MAF: variants seen among roughly 807,000 people sequenced by gnomAD.
The protein encoded by MAF is transcription factor Maf.
In MAF, 10 loss-of-function variants were observed where a neutral mutation model predicts 22.0. The observed-to-expected ratio is 0.45, with a 90% CI of 0.28 to 0.77. The LOEUF (loss-of-function observed/expected upper bound fraction) is 0.77, where lower values mean the gene tolerates loss of function less well. MAF is among the 30% of genes least tolerant of loss of function. The pLI is 0.12. For synonymous variants in MAF, 337 were observed against 255.8 expected (o/e 1.32, Z -3.03); for missense variants, 544 against 548.4 (o/e 0.99, Z 0.08).
At chr16:79,225,116 T>G in the MAF span, among the ~76,000 whole-genome samples, 2 of 152,190 alleles carry the variant, frequency 1.3e-5, no homozygotes, top group African/African-American at 4.8e-5. Context: ...CAAAGGATAC[T>G]ACAAGGCTAC....
chr16:79,494,665 G>T, the MAF span, among the ~76,000 whole-genome samples: 1 of 152,146 alleles, frequency 6.6e-6, no homozygotes, highest in Non-Finnish European at 1.5e-5. Flanking sequence ...CACCAAATGT[G>T]TAGGAGTTTT....
At chr16:79,474,613 A>T in the MAF span, among the ~76,000 whole-genome samples, 8 of 152,166 alleles carry the variant, frequency 5.3e-5, 1 homozygote, top group Non-Finnish European at 1.0e-4. Context: ...AATGGGTTCA[A>T]ATCACAGCGT....
the MAF span, among the ~76,000 whole-genome samples, chr16:79,211,416 C>T: frequency 2.6e-5 from 4 of 152,138 alleles, no homozygotes; most frequent in African/African-American, 7.2e-5. Flanking sequence ...TTTATGAACT[C>T]GTTTTTCCAG....
At chr16:79,232,436 C>T in the MAF span, among the ~76,000 whole-genome samples, 10,699 of 151,972 alleles carry the variant, frequency 0.07, 577 homozygotes, top group Middle Eastern at 0.15. Flanking sequence ...TTTGGAGGTA[C>T]GGTAGTTGAC....
the MAF span, among the ~76,000 whole-genome samples, chr16:79,340,685 A>G: frequency 1.3e-5 from 2 of 151,912 alleles, no homozygotes; most frequent in African/African-American, 4.8e-5. Flanking sequence ...GACATCGAGT[A>G]TCTTGCTCAT....
At chr16:79,320,293 G>T in the MAF span, among the ~76,000 whole-genome samples, 1 of 152,182 alleles carries the variant, frequency 6.6e-6, no homozygotes, top group African/African-American at 2.4e-5. Context: ...GAATAAAGGA[G>T]AAAGCTGCTC....
At chr16:79,597,634 G>T in intron 1 of MAF, 1 of 1,021,948 alleles carries the variant, frequency 9.8e-7, no homozygotes, top group Non-Finnish European at 1.2e-6. Context: ...AAATTTCATG[G>T]GAAGAAGGCT....
At chr16:79,564,957 G>A in the MAF span, among the ~76,000 whole-genome samples, 2 of 152,160 alleles carry the variant, frequency 1.3e-5, no homozygotes, top group African/African-American at 2.4e-5. Flanking sequence ...AAAAAATGTG[G>A]TACCTCGAAC....
the MAF span, among the ~76,000 whole-genome samples, chr16:79,512,451 A>G: frequency 5.3e-5 from 8 of 152,152 alleles, no homozygotes; most frequent in Middle Eastern, 3.4e-3. Flanking sequence ...TCCACATTCC[A>G]TGGAGCAGAT....
chr16:79,373,359 CTTTTTTTTTTTTTTTTTTTTTTTTTT>C, the MAF span, among the ~76,000 whole-genome samples: 7 of 33,300 alleles, frequency 2.1e-4, no homozygotes, highest in Admixed American at 1.5e-3. Flanking sequence ...GGACTGGTAG[CTTTTTTTTTTTTTTTTTTTTTTTTTT>C]TTTTTTTTTT....
At chr16:79,429,929 C>T in the MAF span, among the ~76,000 whole-genome samples, 1 of 152,052 alleles carries the variant, frequency 6.6e-6, no homozygotes, top group Admixed American at 6.6e-5. Context: ...CGAGGGCTAC[C>T]GGGTGGAGCA....
the MAF span, among the ~76,000 whole-genome samples, chr16:79,493,339 G>A: frequency 1.3e-5 from 2 of 152,014 alleles, no homozygotes; most frequent in African/African-American, 4.8e-5. Flanking sequence ...CTGCCACCAC[G>A]CCCAGCTAAT....
chr16:79,424,178 G>A, the MAF span, among the ~76,000 whole-genome samples: 1 of 152,184 alleles, frequency 6.6e-6, no homozygotes, highest in East Asian at 1.9e-4. Flanking sequence ...GTCTTGGAAG[G>A]AAAGGGCAAG....
the MAF span, among the ~76,000 whole-genome samples, chr16:79,557,573 C>T: frequency 6.6e-6 from 1 of 152,040 alleles, no homozygotes; most frequent in Non-Finnish European, 1.5e-5. Context: ...TGTTACAGCC[C>T]TAAAGACTCA....
At chr16:79,212,106 C>A in the MAF span, 1 of 1,535,964 alleles carries the variant, frequency 6.5e-7, no homozygotes, top group Non-Finnish European at 8.7e-7. Flanking sequence ...CAGCAATTCT[C>A]TTTCTTTTAC....
the MAF span, among the ~76,000 whole-genome samples, chr16:79,477,092 A>G: frequency 1.3e-5 from 2 of 152,202 alleles, no homozygotes; most frequent in African/African-American, 4.8e-5. Context: ...AGAGGGGAAC[A>G]AGGATGCTAG....
At chr16:79,538,866 AAAAGAAAAGAAAGAAAGAAAGAAAG>A in the MAF span, among the ~76,000 whole-genome samples, 3 of 117,430 alleles carry the variant, frequency 2.6e-5, no homozygotes, top group Admixed American at 9.7e-5. Context: ...AAAAGAAAAG[AAAAGAAAAGAAAGAAAGAAAGAAAG>A]AAAGAAAGAA....
chr16:79,222,256 G>C, the MAF span, among the ~76,000 whole-genome samples: 2 of 152,094 alleles, frequency 1.3e-5, no homozygotes, highest in Admixed American at 1.3e-4. Context: ...AAGCGAAGGA[G>C]AAATAAAATT....
the MAF span, among the ~76,000 whole-genome samples, chr16:79,398,796 T>A: frequency 6.6e-6 from 1 of 152,200 alleles, no homozygotes; most frequent in African/African-American, 2.4e-5. Context: ...TTTTTTGCAC[T>A]TCTCCTACTC....
Sources: allele counts gnomAD v4.1 joint callset (sites outside exome capture counted in the v4.1 genomes callset), GRCh38; gene constraint gnomAD v4.1.1; transcripts MANE v1.5; gene names NCBI Gene and HGNC (gene_info 2026-07-23, HGNC 2026-07-21).